Variants in SRPK1 observed in about 807,000 individuals in gnomAD.
The protein encoded by SRPK1 is SFRS protein kinase 1.
A neutral mutation model predicts 89.5 loss-of-function variants in SRPK1; 52 were observed. That is an observed-to-expected ratio of 0.58 (90% confidence interval 0.46 to 0.73). The LOEUF (loss-of-function observed/expected upper bound fraction) is 0.73, where lower values mean the gene tolerates loss of function less well. Ranked by LOEUF, SRPK1 falls within the 30% of genes least tolerant of loss-of-function variation. The pLI is 0.00. For synonymous variants in SRPK1, 255 were observed against 270.2 expected (o/e 0.94, Z 0.55); for missense variants, 603 against 780.6 (o/e 0.77, Z 2.71).
At chr6:35,897,364 T>C (rs138204455) in intron 2 of SRPK1, among the ~76,000 whole-genome samples, 10 of 152,328 alleles carry the variant, frequency 6.6e-5, no homozygotes, top group East Asian at 1.9e-4. Context: ...AATCAAAGAA[T>C]AGCAGTAAGT....
At chr6:35,848,478 G>C (rs1461826847) in intron 13 of SRPK1, among the ~76,000 whole-genome samples, 1 of 152,200 alleles carries the variant, frequency 6.6e-6, no homozygotes, top group Non-Finnish European at 1.5e-5. Flanking sequence ...GATCACTTCA[G>C]CCCAGGAAGC....
chr6:35,864,450 G>A (rs1769851749), intron 12 of SRPK1, among the ~76,000 whole-genome samples: 1 of 152,108 alleles, frequency 6.6e-6, no homozygotes, highest in Non-Finnish European at 1.5e-5. Flanking sequence ...ATGAAAAGGT[G>A]CTCAACATCA....
intron 2 of SRPK1, among the ~76,000 whole-genome samples, chr6:35,909,751 G>A (rs1240691831): frequency 2.0e-5 from 3 of 152,278 alleles, no homozygotes; most frequent in Middle Eastern, 6.8e-3. Flanking sequence ...TGATGGTTTT[G>A]AAGTGTGGCA....
At chr6:35,866,819 C>T (rs1377728202) in intron 12 of SRPK1, among the ~76,000 whole-genome samples, 1 of 152,096 alleles carries the variant, frequency 6.6e-6, no homozygotes, top group Non-Finnish European at 1.5e-5. Flanking sequence ...GGAATGAACA[C>T]AATACTATTC....
intron 2 of SRPK1, among the ~76,000 whole-genome samples, chr6:35,906,565 T>C (rs773618321): frequency 1.3e-5 from 2 of 152,154 alleles, no homozygotes; most frequent in Non-Finnish European, 2.9e-5. Context: ...AAAGATAACA[T>C]ATGTTATGAT....
In SRPK1 at chr6:35,874,299, G is replaced by A; in HGVS notation, c.519C>T (p.Leu173=). 6.2e-7 allele frequency: 1 copy of A among 1,613,412 alleles called. No homozygotes were observed. Among genetic ancestry groups the A allele is most frequent in the Non-Finnish European group, 8.5e-7 (1 of 1,179,656 alleles). Residue 173 remains leucine, a synonymous_variant, in exon 7 of 16, where the codon CTC becomes CTT. Transcript: ENST00000373825. ...MVFEVLGHHL[L]KWIIKSNYQG... ...GATAATTGGATTTGATGATCCACTTGAGCAGATGATGCCCCAAAACTTCAA... is the reference window on the plus strand; with the variant it reads ...GATAATTGGATTTGATGATCCACTTAAGCAGATGATGCCCCAAAACTTCAA...
chr6:35,910,133 G>T (rs527598506), intron 2 of SRPK1, among the ~76,000 whole-genome samples: 1 of 152,034 alleles, frequency 6.6e-6, no homozygotes, highest in Non-Finnish European at 1.5e-5. Context: ...ACAGGCATGC[G>T]CCACCGCACC....
intron 2 of SRPK1, among the ~76,000 whole-genome samples, chr6:35,914,689 G>A (rs1771050518): frequency 6.6e-6 from 1 of 152,062 alleles, no homozygotes; most frequent in Admixed American, 6.6e-5. Context: ...GTAGCCAACG[G>A]GACAGGAATG....
intron 2 of SRPK1, among the ~76,000 whole-genome samples, chr6:35,918,483 A>G (rs1293203721): frequency 1.3e-5 from 2 of 152,174 alleles, no homozygotes; most frequent in Non-Finnish European, 2.9e-5. Flanking sequence ...CCTGGGCAAC[A>G]GGCTTTCTTT....
At chr6:35,877,762 G>C (rs1235203434) in intron 6 of SRPK1, among the ~76,000 whole-genome samples, 1 of 151,452 alleles carries the variant, frequency 6.6e-6, no homozygotes, top group Admixed American at 6.6e-5. Flanking sequence ...AGAATCACTT[G>C]AACCCAGGAG....
At chr6:35,903,270 G>C (rs555933452) in intron 2 of SRPK1, among the ~76,000 whole-genome samples, 1 of 152,274 alleles carries the variant, frequency 6.6e-6, no homozygotes, top group South Asian at 2.1e-4. Context: ...CCAGCACTTT[G>C]GGAGGCAGGG....
intron 2 of SRPK1, among the ~76,000 whole-genome samples, chr6:35,918,993 G>A (rs894458300): frequency 7.2e-5 from 11 of 152,142 alleles, no homozygotes; most frequent in Non-Finnish European, 1.5e-4. Context: ...CAACTTCCTT[G>A]TATCAATAGA....
chr6:35,837,352 G>A (rs768939812), intron 15 of SRPK1, among the ~76,000 whole-genome samples: 13 of 152,072 alleles, frequency 8.5e-5, no homozygotes, highest in Non-Finnish European at 1.8e-4. Context: ...TAGACCAAAC[G>A]CCAGCAAAAA....
At chr6:35,870,193 G>T (rs1215164409) in intron 10 of SRPK1, 88 bp downstream of exon 10, 63 of 1,134,538 alleles carry the variant, frequency 5.6e-5, no homozygotes, top group Non-Finnish European at 7.6e-5. Flanking sequence ...GAGATGTGTT[G>T]TATGTATGAA....
At chr6:35,845,341 C>T (rs946917730) in intron 13 of SRPK1, among the ~76,000 whole-genome samples, 1 of 152,132 alleles carries the variant, frequency 6.6e-6, no homozygotes, top group Non-Finnish European at 1.5e-5. Context: ...GTTGGGGAGG[C>T]TCTGTGTGTG....
At chr6:35,913,450 C>T (rs955176086) in intron 2 of SRPK1, among the ~76,000 whole-genome samples, 2 of 151,182 alleles carry the variant, frequency 1.3e-5, no homozygotes, top group African/African-American at 2.4e-5. Flanking sequence ...GCCGAGATCG[C>T]GCCACTACAC....
intron 15 of SRPK1, among the ~76,000 whole-genome samples, chr6:35,837,644 C>T (rs1296815951): frequency 1.3e-5 from 2 of 151,948 alleles, no homozygotes; most frequent in Non-Finnish European, 2.9e-5. Flanking sequence ...CAGCCTTGAC[C>T]TCCCAGGCTC....
chr6:35,849,758 G>A (rs890553939), intron 13 of SRPK1, among the ~76,000 whole-genome samples: 1 of 152,158 alleles, frequency 6.6e-6, no homozygotes, highest in South Asian at 2.1e-4. Context: ...TGTTCAGCCA[G>A]TATGTATTCT....
At chr6:35,879,289 G>C (rs1021953074) in intron 6 of SRPK1, among the ~76,000 whole-genome samples, 1 of 152,090 alleles carries the variant, frequency 6.6e-6, no homozygotes. Context: ...GCTCATGCAC[G>C]TAATCCCAGC....
Sources: allele counts gnomAD v4.1 joint callset (sites outside exome capture counted in the v4.1 genomes callset), GRCh38; gene constraint gnomAD v4.1.1; transcripts MANE v1.5; gene names NCBI Gene and HGNC (gene_info 2026-07-23, HGNC 2026-07-21).